ANKRD11: variants seen among roughly 807,000 people sequenced by gnomAD.
ANKRD11 encodes the protein ankyrin repeat domain-containing protein 11.
Under a neutral mutation model 195.7 loss-of-function variants are expected in ANKRD11, and 17 were observed. That is an observed-to-expected ratio of 0.09 (90% confidence interval 0.06 to 0.13). The LOEUF (loss-of-function observed/expected upper bound fraction) is 0.13. ANKRD11 is among the 10% of genes least tolerant of loss of function. ANKRD11 has a pLI of 1.00. For missense variants in ANKRD11, 3,735 were observed against 3,566.1 expected (o/e 1.05, Z -1.21); for synonymous variants, 1,953 against 1,528.1 (o/e 1.28, Z -6.49).
chr16:89,278,763 G>A (rs540088961), intron 9 of ANKRD11: 1 of 571,612 alleles, frequency 1.7e-6, no homozygotes, highest in Non-Finnish European at 3.3e-6. Context: ...GGAGAGGGGA[G>A]AGTGAGCGGC....
At chr16:89,384,879 C>CTTTTTCTTTTTTTTTTTTT (rs2040833636) in intron 2 of ANKRD11, among the ~76,000 whole-genome samples, 1 of 49,910 alleles carries the variant, frequency 2.0e-5, no homozygotes, top group African/African-American at 7.9e-5. Flanking sequence ...AAATAGTTTT[C>CTTTTTCTTTTTTTTTTTTT]TTTTTTTTTT....
At chr16:89,384,212 TC>T (rs1282893890) in intron 2 of ANKRD11, among the ~76,000 whole-genome samples, 2 of 152,096 alleles carry the variant, frequency 1.3e-5, no homozygotes, top group African/African-American at 4.8e-5. Flanking sequence ...AGAGCGAGAC[TC>T]CATCTCAAAA....
intron 1 of ANKRD11, among the ~76,000 whole-genome samples, chr16:89,428,282 T>G (rs990416404): frequency 6.6e-6 from 1 of 151,998 alleles, no homozygotes; most frequent in Non-Finnish European, 1.5e-5. Flanking sequence ...TCCCAGCACT[T>G]TGGGAGGCCA....
At chr16:89,455,603 C>G (rs1253622035) in intron 1 of ANKRD11, among the ~76,000 whole-genome samples, 3 of 151,990 alleles carry the variant, frequency 2.0e-5, no homozygotes, top group Non-Finnish European at 4.4e-5. Flanking sequence ...AAACTTCTAA[C>G]AAGCAGAGAA....
At chr16:89,440,652 A>C (rs2043410299) in intron 1 of ANKRD11, among the ~76,000 whole-genome samples, 1 of 152,162 alleles carries the variant, frequency 6.6e-6, no homozygotes, top group Non-Finnish European at 1.5e-5. Context: ...GAAAGGAAGA[A>C]AGCATAAGAA....
Position 89,441,549 on chromosome 16 carries a change from C to T in ANKRD11, c.-144-23181G>A, listed in dbSNP as rs371394782. On this transcript the variant is annotated intron_variant, in intron 1 of 12. Transcript: ENST00000301030. ...TTGGGAGGCCAAGGCGGGCGGATCA[C>T]GAGGTCAGCAGATGGAGACCATCCT... 2.8e-4 allele frequency among the ~76,000 whole-genome samples: 43 copies of T among 152,022 alleles called. 1 individual carries two copies. Among genetic ancestry groups the T allele is most frequent in the African/African-American group, 3.9e-4 (16 of 41,478 alleles).
At chr16:89,286,749 A>G (rs1299450860) in intron 7 of ANKRD11, 1 of 1,286,996 alleles carries the variant, frequency 7.8e-7, no homozygotes, top group African/African-American at 1.5e-5. Context: ...GGGTGGTCAC[A>G]TGACTGACAG....
At chr16:89,430,642 T>G (rs1208755267) in intron 1 of ANKRD11, among the ~76,000 whole-genome samples, 1 of 152,258 alleles carries the variant, frequency 6.6e-6, no homozygotes, top group Non-Finnish European at 1.5e-5. Flanking sequence ...AAACGCCCCT[T>G]GGATGAATGG....
chr16:89,467,073 G>T (rs1246028614), intron 1 of ANKRD11, among the ~76,000 whole-genome samples: 1 of 152,188 alleles, frequency 6.6e-6, no homozygotes, highest in Admixed American at 6.5e-5. Flanking sequence ...TCTGTGCCAG[G>T]AGTGAGAAGG....
intron 1 of ANKRD11, among the ~76,000 whole-genome samples, chr16:89,485,449 G>A (rs2057580808): frequency 2.6e-5 from 4 of 151,998 alleles, no homozygotes; most frequent in South Asian, 4.2e-4. Context: ...ACCCAAGATC[G>A]TGCCACTGCA....
intron 3 of ANKRD11, among the ~76,000 whole-genome samples, chr16:89,308,304 T>C (rs936436819): frequency 5.3e-5 from 8 of 152,194 alleles, no homozygotes; most frequent in African/African-American, 1.7e-4. Flanking sequence ...CACGTGCTCA[T>C]GTCAACAGCT....
chr16:89,415,304 G>A (rs1225742155), intron 2 of ANKRD11, among the ~76,000 whole-genome samples: 2 of 120,348 alleles, frequency 1.7e-5, no homozygotes, highest in African/African-American at 6.7e-5. Flanking sequence ...TCCCTCTGTC[G>A]CCCAGGCTGG....
intron 9 of ANKRD11, among the ~76,000 whole-genome samples, chr16:89,276,635 G>A (rs1372168393): frequency 6.6e-6 from 1 of 152,244 alleles, no homozygotes; most frequent in African/African-American, 2.4e-5. Context: ...CCACAGCGTG[G>A]ACGCACGGCA....
At position 89,316,893 on chromosome 16, in the gene ANKRD11, G is replaced by C. The variant is rs1022937174; in HGVS notation, c.87+40C>G. ...CCCATTCCCACCTCATCCCCATCTG[G>C]GTGCGGTGAGCATGCAGGGCTGGGA... On this transcript the variant is annotated intron_variant, in intron 3 of 12. Transcript: ENST00000301030. The C allele has an allele frequency of 5.6e-6, 9 of 1,602,654 alleles. No individual in the cohort carries two copies. The African/African-American group carries it at 1.1e-4, about 19-fold the overall frequency.
At chr16:89,348,337 T>G (rs765722731) in intron 2 of ANKRD11, among the ~76,000 whole-genome samples, 1 of 152,196 alleles carries the variant, frequency 6.6e-6, no homozygotes, top group Non-Finnish European at 1.5e-5. Flanking sequence ...TAAACCAAAT[T>G]TGAACTTCTG....
chr16:89,409,269 AT>A (rs1331267003), intron 2 of ANKRD11, among the ~76,000 whole-genome samples: 1 of 152,190 alleles, frequency 6.6e-6, no homozygotes, highest in Non-Finnish European at 1.5e-5. Context: ...TGGTGTTAGA[AT>A]AAATCACTAG....
At chr16:89,364,513 C>A (rs1200140184) in intron 2 of ANKRD11, among the ~76,000 whole-genome samples, 2 of 152,190 alleles carry the variant, frequency 1.3e-5, no homozygotes, top group Non-Finnish European at 2.9e-5. Context: ...TTTTTCTTAA[C>A]CTATTCGCCC....
intron 2 of ANKRD11, among the ~76,000 whole-genome samples, chr16:89,401,225 G>T (rs1422325864): frequency 1.3e-5 from 2 of 151,942 alleles, no homozygotes; most frequent in African/African-American, 2.4e-5. Context: ...TTCCAAGACG[G>T]CCGCCACCAC....
At position 89,268,629 on chromosome 16, in the gene ANKRD11, G is replaced by A; in HGVS notation, c.7841C>T (p.Ala2614Val). The part of the protein sequence containing the change: ...CLLMRQQHEA[A>V]ALNAVQRMEW... ...CATCCTCTGCACGGCGTTCAGGGCCGCGGCCTCGTGCTGCTGCCGCATGAG... is the reference window on the plus strand; with the variant it reads ...CATCCTCTGCACGGCGTTCAGGGCCACGGCCTCGTGCTGCTGCCGCATGAG... Residue 2614 changes from alanine (A) to valine (V), a missense_variant, in exon 13 of 13, where the codon GCG (alanine) becomes GTG (valine). Coordinates refer to ENST00000301030, the MANE Select transcript of ANKRD11 (RefSeq NM_013275.6). 6.4e-7 allele frequency: 1 copy of A among 1,571,662 alleles called. No homozygotes were observed. Among genetic ancestry groups the A allele is most frequent in the Non-Finnish European group, 8.6e-7 (1 of 1,158,912 alleles).
Sources: allele counts gnomAD v4.1 joint callset (sites outside exome capture counted in the v4.1 genomes callset), GRCh38; gene constraint gnomAD v4.1.1; transcripts MANE v1.5; gene names NCBI Gene and HGNC (gene_info 2026-07-23, HGNC 2026-07-21).